ASB5: variants seen among roughly 807,000 people sequenced by gnomAD.
ASB5 encodes the protein ankyrin repeat and SOCS box containing 5.
Under a neutral mutation model 42.1 loss-of-function variants are expected in ASB5, and 45 were observed. That is an observed-to-expected ratio of 1.07 (90% confidence interval 0.84 to 1.37). ASB5 has a LOEUF of 1.37. Ranked by LOEUF, ASB5 falls within the 40% of genes most tolerant of loss-of-function variation. The pLI is 0.00. For synonymous variants in ASB5, 147 were observed against 150.6 expected, an observed-to-expected ratio of 0.98 and a Z score of 0.18; for missense variants, 402 against 399.8, an observed-to-expected ratio of 1.01 and a Z score of -0.05.
At chr4:176,270,127 AC>A (rs1282974854), upstream of ASB5, among the ~76,000 whole-genome samples, 1 of 152,218 alleles carries the variant, frequency 6.6e-6, no homozygotes, top group African/African-American at 2.4e-5. Flanking sequence ...TAAGAAAATG[AC>A]ATACAGCAGC....
At chr4:176,266,123 T>C (rs556036643) in intron 1 of ASB5, among the ~76,000 whole-genome samples, 1 of 152,296 alleles carries the variant, frequency 6.6e-6, no homozygotes, top group Non-Finnish European at 1.5e-5. Flanking sequence ...GATATTTGTC[T>C]AATACAATCA....
chr4:176,270,943 G>T (rs1375961255), upstream of ASB5, among the ~76,000 whole-genome samples: 5 of 152,080 alleles, frequency 3.3e-5, no homozygotes, highest in African/African-American at 7.2e-5. Context: ...CCCATCTAAG[G>T]TTTCAGTCCT....
intron 1 of ASB5, among the ~76,000 whole-genome samples, chr4:176,234,693 G>A (rs1312781303): frequency 6.6e-6 from 1 of 152,186 alleles, no homozygotes; most frequent in African/African-American, 2.4e-5. Flanking sequence ...AACCTTGTCT[G>A]AGCAGCCGTA....
At position 176,221,460 on chromosome 4, in the gene ASB5, G is replaced by A. The variant is rs35698542; in HGVS notation, c.525C>T (p.Ala175=). Residue 175 remains alanine (A), a synonymous_variant, in exon 4 of 7, where the codon GCC becomes GCT. Transcript: ENST00000296525. ...ESCLPSPTHE[A]ASKGHHECLD... is the part of the protein sequence containing the mutation. ...CCAGAACTAAGTTACCTTTACTGGC[G>A]GCCTCATGCGTTGGGGATGGAAGAC... The A allele has an allele frequency of 0.027, 43,753 of 1,613,106 alleles. 703 individuals are homozygous for A. The highest frequency in any genetic ancestry group is 0.032 in the Non-Finnish European group (38,337 of 1,179,730).
chr4:176,249,295 A>T (rs992079635), intron 1 of ASB5, among the ~76,000 whole-genome samples: 1 of 152,204 alleles, frequency 6.6e-6, no homozygotes, highest in African/African-American at 2.4e-5. Context: ...AAAATCTTGT[A>T]TTAAACTCTG....
chr4:176,249,842 G>A (rs11725987), intron 1 of ASB5, among the ~76,000 whole-genome samples: 79,703 of 151,318 alleles, frequency 0.53, 21,130 homozygotes, highest in Middle Eastern at 0.64. Flanking sequence ...GAGGCGGGTG[G>A]ATCACGAGGT....
At chr4:176,260,260 T>G (rs1328197340) in intron 1 of ASB5, among the ~76,000 whole-genome samples, 1 of 152,206 alleles carries the variant, frequency 6.6e-6, no homozygotes, top group Admixed American at 6.5e-5. Flanking sequence ...CCCTAGCTTC[T>G]GAGCCCCTGA....
intron 2 of ASB5, 58 bp from the exon 3 acceptor site, chr4:176,222,478 T>C: frequency 7.3e-7 from 1 of 1,366,552 alleles, no homozygotes; most frequent in South Asian, 1.2e-5. Flanking sequence ...AAAAATCATC[T>C]ATATGGATGT....
At chr4:176,216,651 T>C (rs531306791) in intron 6 of ASB5, among the ~76,000 whole-genome samples, 167 bp downstream of exon 6, 2 of 152,324 alleles carry the variant, frequency 1.3e-5, no homozygotes, top group Non-Finnish European at 2.9e-5. Context: ...ACTCGGCTGA[T>C]ATCTTCTTTA....
upstream of ASB5, among the ~76,000 whole-genome samples, chr4:176,270,262 A>G (rs559339682): frequency 6.6e-6 from 1 of 152,144 alleles, no homozygotes; most frequent in Non-Finnish European, 1.5e-5. Context: ...CTTGCTTCCT[A>G]ATTCATTTGA....
intron 1 of ASB5, chr4:176,237,472 C>G (rs1010876103): frequency 2.0e-6 from 2 of 985,756 alleles, no homozygotes; most frequent in Non-Finnish European, 2.4e-6. Context: ...TGCAAATGCT[C>G]TAGCAAGAAG....
chr4:176,248,914 TG>T (rs1293727991), intron 1 of ASB5, among the ~76,000 whole-genome samples: 2 of 152,200 alleles, frequency 1.3e-5, no homozygotes, highest in African/African-American at 4.8e-5. Flanking sequence ...TGAAGGCTTC[TG>T]GGGTTCTATT....
chr4:176,253,572 G>GAAAT (rs1754087054), intron 1 of ASB5, among the ~76,000 whole-genome samples: 2 of 152,140 alleles, frequency 1.3e-5, no homozygotes, highest in Non-Finnish European at 2.9e-5. Context: ...GAAATAAAAG[G>GAAAT]CATCCAAATA....
intron 5 of ASB5, 47 bp from the exon 6 acceptor site, chr4:176,217,056 A>G: frequency 1.4e-6 from 2 of 1,476,292 alleles, no homozygotes; most frequent in South Asian, 1.3e-5. Flanking sequence ...AAGTTGTTAA[A>G]TAAGCCAGCT....
At chr4:176,231,848 A>ACAAAACAAAG (rs1480112783) in intron 1 of ASB5, among the ~76,000 whole-genome samples, 1 of 150,538 alleles carries the variant, frequency 6.6e-6, no homozygotes, top group African/African-American at 2.4e-5. Flanking sequence ...CTGTCTCAAA[A>ACAAAACAAAG]CAAAACAAAA....
At position 176,268,810 on chromosome 4, in the gene ASB5, A is replaced by T. The variant is rs1354858738; in HGVS notation, c.196+103T>A. On this transcript the variant is annotated intron_variant, in intron 1 of 6. Coordinates refer to ENST00000296525, the MANE Select transcript of ASB5 (RefSeq NM_080874.4). ...CAAGTATTTCCCTTAACAAAAGTTT[A>T]TAAAATATTTACCTTGAAGCAGTCT... 3.9e-6 allele frequency: 4 copies of T among 1,023,842 alleles called. No homozygotes were observed. In the African/African-American group the frequency reaches 6.6e-5, roughly 17 times the overall value. 63.4% of individuals were successfully genotyped at this position (1,023,842 alleles called of 1,614,324 possible). A position where few individuals can be genotyped will look rare whatever the true frequency, so the allele number is the denominator to read the frequency against.
At chr4:176,216,180 T>C (rs915942962) in intron 6 of ASB5, among the ~76,000 whole-genome samples, 8 of 152,128 alleles carry the variant, frequency 5.3e-5, no homozygotes, top group African/African-American at 1.9e-4. Context: ...TAATTTTATT[T>C]CTATAATATG....
At chr4:176,243,476 G>A (rs892449466) in intron 1 of ASB5, among the ~76,000 whole-genome samples, 1 of 151,618 alleles carries the variant, frequency 6.6e-6, no homozygotes, top group Non-Finnish European at 1.5e-5. Context: ...ATTATATAGT[G>A]GCATCTAGTA....
chr4:176,237,280 G>A, intron 1 of ASB5: 3 of 985,690 alleles, frequency 3.0e-6, no homozygotes, highest in Non-Finnish European at 3.6e-6. Flanking sequence ...ATTTGAAATG[G>A]CTGCTATACT....
Sources: allele counts gnomAD v4.1 joint callset (sites outside exome capture counted in the v4.1 genomes callset), GRCh38; gene constraint gnomAD v4.1.1; transcripts MANE v1.5; gene names NCBI Gene and HGNC (gene_info 2026-07-23, HGNC 2026-07-21).